Variants in KHDRBS2 observed in about 807,000 individuals in gnomAD.
The protein encoded by KHDRBS2 is KH domain-containing, RNA-binding, signal transduction-associated protein 2.
A neutral mutation model predicts 44.3 loss-of-function variants in KHDRBS2; 26 were observed. The observed-to-expected ratio is 0.59, with a 90% CI of 0.43 to 0.81. The LOEUF is 0.81. Ranked by LOEUF, KHDRBS2 falls within the 40% of genes least tolerant of loss-of-function variation. The pLI is 0.00. For synonymous variants in KHDRBS2, 194 were observed against 151.1 expected, an observed-to-expected ratio of 1.28 and a Z score of -2.08; for missense variants, 476 against 433.1, an observed-to-expected ratio of 1.10 and a Z score of -0.88.
chr6:61,601,441 C>T, the KHDRBS2 span, among the ~76,000 whole-genome samples: 2 of 152,162 alleles, frequency 1.3e-5, no homozygotes, highest in South Asian at 2.1e-4. Context: ...TGCAACACCA[C>T]TTGACCCCAA....
intron 1 of KHDRBS2, among the ~76,000 whole-genome samples, chr6:62,233,660 A>AGGC: frequency 6.6e-6 from 1 of 151,648 alleles, no homozygotes; most frequent in Non-Finnish European, 1.5e-5. Flanking sequence ...CCTCTGATTG[A>AGGC]CCCAGTGTAT....
In KHDRBS2 at chr6:61,769,472, G is replaced by A. The variant is rs146003962; in HGVS notation, c.811-36708C>T. On this transcript the variant is annotated intron_variant, in intron 6 of 8. Transcript: ENST00000281156. ...CGGGTCACTCCCACCCTAATACTGCGCTTTTCCAAAGGGCTTAAAAAACGG... is the reference window on the plus strand; with the variant it reads ...CGGGTCACTCCCACCCTAATACTGCACTTTTCCAAAGGGCTTAAAAAACGG... 9.6e-3 allele frequency among the ~76,000 whole-genome samples: 1,460 copies of A among 152,232 alleles called. 12 individuals are homozygous for A. The highest frequency in any genetic ancestry group is 0.016 in the Non-Finnish European group (1,087 of 68,008).
chr6:61,953,804 AC>A (rs1199705286), intron 4 of KHDRBS2, among the ~76,000 whole-genome samples: 1 of 152,158 alleles, frequency 6.6e-6, no homozygotes, highest in Non-Finnish European at 1.5e-5. Flanking sequence ...TTGAGAGAGA[AC>A]AAATTTAAAG....
At chr6:61,743,016 A>G (rs972962564) in intron 6 of KHDRBS2, among the ~76,000 whole-genome samples, 8 of 152,174 alleles carry the variant, frequency 5.3e-5, no homozygotes, top group Non-Finnish European at 1.0e-4. Flanking sequence ...CCAGCCATGC[A>G]TATGCAAGAC....
intron 6 of KHDRBS2, among the ~76,000 whole-genome samples, chr6:61,766,232 C>G (rs576402627): frequency 6.6e-6 from 1 of 151,650 alleles, no homozygotes; most frequent in African/African-American, 2.4e-5. Context: ...GTAATTTATA[C>G]GTTTCTTCTA....
At chr6:61,762,180 G>A (rs1779361284) in intron 6 of KHDRBS2, among the ~76,000 whole-genome samples, 1 of 152,086 alleles carries the variant, frequency 6.6e-6, no homozygotes, top group Non-Finnish European at 1.5e-5. Context: ...GAGAATTTGG[G>A]GAAATCCCCT....
At chr6:61,828,752 T>A (rs2127259723) in intron 6 of KHDRBS2, among the ~76,000 whole-genome samples, 1 of 152,318 alleles carries the variant, frequency 6.6e-6, no homozygotes, top group South Asian at 2.1e-4. Flanking sequence ...GTCACAAGAT[T>A]TTACACTGAC....
intron 7 of KHDRBS2, among the ~76,000 whole-genome samples, chr6:61,704,963 C>T (rs1442246505): frequency 1.3e-5 from 2 of 151,784 alleles, no homozygotes; most frequent in Non-Finnish European, 2.9e-5. Flanking sequence ...TATAATATCT[C>T]AGGTCATTAG....
At chr6:62,277,482 C>T (rs1841131101) in intron 1 of KHDRBS2, among the ~76,000 whole-genome samples, 3 of 152,102 alleles carry the variant, frequency 2.0e-5, no homozygotes, top group Non-Finnish European at 4.4e-5. Flanking sequence ...GCTGGGACTA[C>T]AGGCGCCCGC....
At chr6:61,799,119 T>A (rs1785842316) in intron 6 of KHDRBS2, among the ~76,000 whole-genome samples, 1 of 152,046 alleles carries the variant, frequency 6.6e-6, no homozygotes, top group African/African-American at 2.4e-5. Context: ...AGTAAGCTTT[T>A]AATGCTGCAG....
chr6:62,036,852 A>C (rs6932575), intron 3 of KHDRBS2, among the ~76,000 whole-genome samples: 41 of 152,146 alleles, frequency 2.7e-4, no homozygotes, highest in African/African-American at 8.7e-4. Context: ...TAGTATCTTT[A>C]GGTTTTCTGC....
At chr6:61,894,000 G>A (rs1396766880) in intron 6 of KHDRBS2, among the ~76,000 whole-genome samples, 1 of 151,780 alleles carries the variant, frequency 6.6e-6, no homozygotes, top group African/African-American at 2.4e-5. Flanking sequence ...ATGGACACAA[G>A]GACCACAATG....
chr6:61,726,122 C>A (rs532807139), intron 7 of KHDRBS2, among the ~76,000 whole-genome samples: 18 of 152,206 alleles, frequency 1.2e-4, no homozygotes, highest in African/African-American at 4.3e-4. Flanking sequence ...GCTCCATCCC[C>A]AGGATGCAAG....
At chr6:61,960,491 C>G in intron 4 of KHDRBS2, among the ~76,000 whole-genome samples, 1 of 151,994 alleles carries the variant, frequency 6.6e-6, no homozygotes, top group East Asian at 1.9e-4. Flanking sequence ...TTATGTATGA[C>G]TGCAATAATG....
intron 6 of KHDRBS2, among the ~76,000 whole-genome samples, chr6:61,866,887 A>G (rs563459987): frequency 6.7e-4 from 102 of 152,298 alleles, no homozygotes; most frequent in Admixed American, 1.4e-3. Flanking sequence ...TTTCCATCTG[A>G]GATAATCTCA....
intron 1 of KHDRBS2, among the ~76,000 whole-genome samples, chr6:62,231,366 C>T (rs182664863): frequency 1.6e-3 from 246 of 152,254 alleles, no homozygotes; most frequent in African/African-American, 5.5e-3. Flanking sequence ...GAGAGAAGTT[C>T]GAGCAGGGAA....
chr6:62,018,865 T>C (rs1450362700), intron 3 of KHDRBS2, among the ~76,000 whole-genome samples: 1 of 152,200 alleles, frequency 6.6e-6, no homozygotes, highest in Non-Finnish European at 1.5e-5. Context: ...TATCTAATAA[T>C]TGTTTTAATA....
intron 6 of KHDRBS2, among the ~76,000 whole-genome samples, chr6:61,817,664 A>C (rs1168675179): frequency 1.3e-5 from 2 of 152,030 alleles, no homozygotes; most frequent in Non-Finnish European, 2.9e-5. Flanking sequence ...TTTATTAGTT[A>C]TTAGCCATAT....
At chr6:61,669,179 T>C in the KHDRBS2 span, among the ~76,000 whole-genome samples, 2 of 151,076 alleles carry the variant, frequency 1.3e-5, no homozygotes, top group African/African-American at 4.8e-5. Context: ...ATCAACTTTA[T>C]ACTTAGGGTT....
Sources: allele counts gnomAD v4.1 joint callset (sites outside exome capture counted in the v4.1 genomes callset), GRCh38; gene constraint gnomAD v4.1.1; transcripts MANE v1.5; gene names NCBI Gene and HGNC (gene_info 2026-07-23, HGNC 2026-07-21).